Variants in HMGCLL1 observed in about 807,000 individuals in gnomAD.
The protein encoded by HMGCLL1 is 3-hydroxymethyl-3-methylglutaryl-CoA lyase, cytoplasmic.
A neutral mutation model predicts 39.1 loss-of-function variants in HMGCLL1; 36 were observed. The ratio of observed to expected loss-of-function variants is 0.92; its 90% CI spans 0.71 to 1.22. The LOEUF (loss-of-function observed/expected upper bound fraction) is 1.22. Ranked by LOEUF, HMGCLL1 falls within the 50% of genes most tolerant of loss-of-function variation. The pLI is 0.00. For missense variants in HMGCLL1, 451 were observed against 416.5 expected, an observed-to-expected ratio of 1.08 and a Z score of -0.72; for synonymous variants, 149 against 144.0, an observed-to-expected ratio of 1.03 and a Z score of -0.25.
At chr6:55,639,237 A>T in the HMGCLL1 span, among the ~76,000 whole-genome samples, 1 of 151,986 alleles carries the variant, frequency 6.6e-6, no homozygotes, top group East Asian at 1.9e-4. Flanking sequence ...CAAAAACAGC[A>T]TAACCACTAC....
chr6:55,615,804 T>A, the HMGCLL1 span, among the ~76,000 whole-genome samples: 2 of 152,072 alleles, frequency 1.3e-5, no homozygotes, highest in Non-Finnish European at 2.9e-5. Context: ...AACAGAAGAC[T>A]GAAAGCTTAT....
chr6:55,627,420 T>C, the HMGCLL1 span, among the ~76,000 whole-genome samples: 1 of 152,034 alleles, frequency 6.6e-6, no homozygotes, highest in South Asian at 2.1e-4. Context: ...GGCGTAATTA[T>C]AACCTCATTA....
chr6:55,632,207 T>C, the HMGCLL1 span, among the ~76,000 whole-genome samples: 2 of 152,144 alleles, frequency 1.3e-5, no homozygotes, highest in African/African-American at 4.8e-5. Context: ...CATTTTTACT[T>C]GCCTCACATT....
At chr6:55,669,191 G>A in the HMGCLL1 span, among the ~76,000 whole-genome samples, 7 of 151,456 alleles carry the variant, frequency 4.6e-5, no homozygotes, top group Non-Finnish European at 7.4e-5. Flanking sequence ...TCTATCATTA[G>A]TAGCATACAA....
chr6:55,675,895 A>T, the HMGCLL1 span, among the ~76,000 whole-genome samples: 2 of 152,164 alleles, frequency 1.3e-5, no homozygotes, highest in African/African-American at 4.8e-5. Flanking sequence ...ACAAAATAAA[A>T]TAGGAATGTT....
the HMGCLL1 span, among the ~76,000 whole-genome samples, chr6:55,661,248 T>G: frequency 3.3e-5 from 5 of 152,120 alleles, no homozygotes; most frequent in Non-Finnish European, 5.9e-5. Flanking sequence ...TTTTTGCTTT[T>G]TTTGTGATTG....
At chr6:55,539,646 A>C (rs568532178) in intron 3 of HMGCLL1, among the ~76,000 whole-genome samples, 8 of 151,720 alleles carry the variant, frequency 5.3e-5, no homozygotes, top group Non-Finnish European at 1.0e-4. Context: ...GTGGGAGCTA[A>C]ATGATGAGGA....
intron 3 of HMGCLL1, among the ~76,000 whole-genome samples, chr6:55,539,925 AGG>A (rs1769269155): frequency 1.4e-5 from 2 of 139,358 alleles, no homozygotes; most frequent in Non-Finnish European, 3.1e-5. Flanking sequence ...AAAGAAAAGG[AGG>A]ATGAGGAGGA....
intron 7 of HMGCLL1, among the ~76,000 whole-genome samples, chr6:55,457,775 T>A (rs1764388494): frequency 6.6e-6 from 1 of 152,206 alleles, no homozygotes; most frequent in Non-Finnish European, 1.5e-5. Flanking sequence ...AAGGAACTCT[T>A]TTTCATAAGC....
the HMGCLL1 span, among the ~76,000 whole-genome samples, chr6:55,588,805 G>A: frequency 1.3e-5 from 2 of 152,024 alleles, no homozygotes; most frequent in South Asian, 4.2e-4. Context: ...AGAAAATCTA[G>A]AAGAAATGGA....
At chr6:55,478,123 T>C (rs1038354278) in intron 7 of HMGCLL1, among the ~76,000 whole-genome samples, 1 of 151,134 alleles carries the variant, frequency 6.6e-6, no homozygotes, top group African/African-American at 2.4e-5. Context: ...TATATAATTT[T>C]ATGAATTTTA....
At chr6:55,543,603 T>G (rs1255218068) in intron 1 of HMGCLL1, among the ~76,000 whole-genome samples, 1 of 141,936 alleles carries the variant, frequency 7.0e-6, no homozygotes, top group African/African-American at 2.6e-5. Context: ...TATATTTTTT[T>G]GCCAGCACTT....
chr6:55,632,259 C>T, the HMGCLL1 span, among the ~76,000 whole-genome samples: 1 of 151,772 alleles, frequency 6.6e-6, no homozygotes, highest in Non-Finnish European at 1.5e-5. Context: ...CAATTTAAAA[C>T]ATAATAAAGA....
At chr6:55,560,457 A>C (rs1770890289) in intron 1 of HMGCLL1, among the ~76,000 whole-genome samples, 1 of 152,072 alleles carries the variant, frequency 6.6e-6, no homozygotes, top group African/African-American at 2.4e-5. Context: ...GTTCTGTCCA[A>C]ATTCCAATTT....
intron 7 of HMGCLL1, 56 bp downstream of exon 7, chr6:55,495,363 A>T: frequency 1.6e-6 from 2 of 1,278,404 alleles, no homozygotes; most frequent in South Asian, 1.4e-5. Context: ...TGTTTATATT[A>T]CAGATAAAGA....
chr6:55,580,394 T>C (rs943032225), upstream of HMGCLL1, among the ~76,000 whole-genome samples: 1 of 147,042 alleles, frequency 6.8e-6, no homozygotes, highest in Non-Finnish European at 1.5e-5. Flanking sequence ...ATTTTTTTTT[T>C]CTTTTTTCTT....
At chr6:55,562,667 T>G (rs1234884637) in intron 1 of HMGCLL1, among the ~76,000 whole-genome samples, 1 of 152,084 alleles carries the variant, frequency 6.6e-6, no homozygotes, top group Admixed American at 6.6e-5. Context: ...ACTGGAAAAC[T>G]TACTTGAGGT....
chr6:55,503,726 C>A (rs1275168082), intron 5 of HMGCLL1, among the ~76,000 whole-genome samples: 3 of 151,596 alleles, frequency 2.0e-5, no homozygotes, highest in East Asian at 1.9e-4. Context: ...TTCACATAAA[C>A]CTGTTTCCCC....
the HMGCLL1 span, among the ~76,000 whole-genome samples, chr6:55,602,450 T>TA: frequency 8.5e-5 from 13 of 152,112 alleles, no homozygotes; most frequent in Admixed American, 1.3e-4. Flanking sequence ...TATTTTCTTC[T>TA]ATGATTAGAC....
Sources: allele counts gnomAD v4.1 joint callset (sites outside exome capture counted in the v4.1 genomes callset), GRCh38; gene constraint gnomAD v4.1.1; transcripts MANE v1.5; gene names NCBI Gene and HGNC (gene_info 2026-07-23, HGNC 2026-07-21).